The following MED23 variants were observed in gnomAD, a reference collection of about 807,000 sequenced individuals.
The protein encoded by MED23 is mediator complex subunit 23.
MED23 carries 105 observed loss-of-function variants against 163.9 expected under a neutral mutation model. That is an observed-to-expected ratio of 0.64 (90% CI 0.55 to 0.75). The LOEUF (loss-of-function observed/expected upper bound fraction) is 0.75, where lower values mean the gene tolerates loss of function less well. Ranked by LOEUF, MED23 falls within the 30% of genes least tolerant of loss-of-function variation. The pLI, the probability that MED23 is intolerant of heterozygous loss-of-function variation, is 0.00. For missense variants in MED23, 1,054 were observed against 1,649.0 expected (o/e 0.64, Z 6.25); for synonymous variants, 561 against 565.6 (o/e 0.99, Z 0.12).
chr6:131,575,890 T>C (rs2114516167), intron 30 of MED23, among the ~76,000 whole-genome samples: 1 of 124,538 alleles, frequency 8.0e-6, no homozygotes, highest in Non-Finnish European at 2.0e-5. Context: ...GGGTTGGTCT[T>C]TGTTTGTAGT....
At chr6:131,576,660 C>T in intron 30 of MED23, 1 of 1,613,482 alleles carries the variant, frequency 6.2e-7, no homozygotes, top group Non-Finnish European at 8.5e-7. Flanking sequence ...TTTAATTGTT[C>T]AGCCACGAGG....
intron 18 of MED23, 149 bp downstream of exon 18, chr6:131,599,889 T>C (rs1393544133): frequency 1.0e-6 from 1 of 955,396 alleles, no homozygotes; most frequent in Admixed American, 2.2e-5. Flanking sequence ...GACTAGAGGC[T>C]TGTGCCACCA....
Position 131,586,769 on chromosome 6 carries a change from T to G in MED23, c.*910A>C. The G allele has an allele frequency of 2.0e-6, 3 of 1,476,762 alleles. No individual in the cohort carries two copies. The highest frequency in any genetic ancestry group is 2.7e-6 in the Non-Finnish European group (3 of 1,102,206). The allele number at this position is 1,476,762 out of a possible 1,614,324, so 91.5% of individuals were successfully genotyped here. ...CACACGGTTTATTCATTCAGCAGAC[T>G]TTACTCATTAGTTTTCAAGTCTTTC... On this transcript the variant is annotated 3_prime_UTR_variant, in exon 29 of 29. Coordinates refer to ENST00000368068, the MANE Select transcript of MED23 (RefSeq NM_004830.4).
At chr6:131,611,059 T>C (rs889264688) in intron 10 of MED23, among the ~76,000 whole-genome samples, 8 of 152,234 alleles carry the variant, frequency 5.3e-5, no homozygotes, top group Non-Finnish European at 1.2e-4. Flanking sequence ...AAGCCATGTT[T>C]AAGCCATTTT....
chr6:131,574,395 C>T (rs1773514563), intron 30 of MED23: 1 of 1,353,220 alleles, frequency 7.4e-7, no homozygotes, highest in African/African-American at 1.4e-5. Flanking sequence ...CTCCAAAAGT[C>T]TCTCCCAAAC....
At chr6:131,574,327 A>G in intron 30 of MED23, 2 of 1,613,850 alleles carry the variant, frequency 1.2e-6, no homozygotes, top group Non-Finnish European at 1.7e-6. Context: ...GCCAGAGGTT[A>G]GAGGCCCAAA....
chr6:131,608,651 C>T (rs551152215), intron 11 of MED23, among the ~76,000 whole-genome samples: 115 of 152,220 alleles, frequency 7.6e-4, no homozygotes, highest in Non-Finnish European at 1.3e-3. Context: ...AGCAATCCAC[C>T]GGCTTCGGCC....
intron 27 of MED23, 150 bp from the exon 28 acceptor site, chr6:131,589,746 AGATAT>A (rs1333307421): frequency 1.4e-6 from 1 of 739,084 alleles, no homozygotes; most frequent in Non-Finnish European, 2.4e-6. Context: ...TATGCACATG[AGATAT>A]GATATGGCTT....
At chr6:131,579,700 GAC>G (rs539485326) in intron 30 of MED23, 3 of 158,774 alleles carry the variant, frequency 1.9e-5, no homozygotes, top group Admixed American at 6.3e-5. Context: ...GAAAGCATCA[GAC>G]ACACACACAC....
chr6:131,585,242 G>A (rs79926878), downstream of MED23, among the ~76,000 whole-genome samples: 4 of 152,022 alleles, frequency 2.6e-5, no homozygotes, highest in East Asian at 1.9e-4. Context: ...CAGAGTAAAC[G>A]GTAATCAAAA....
downstream of MED23, chr6:131,582,811 C>A: frequency 3.0e-6 from 3 of 996,444 alleles, no homozygotes; most frequent in Non-Finnish European, 4.8e-6. Flanking sequence ...AATTAAACAT[C>A]AAGACACACA....
chr6:131,604,808 C>T (rs891845453), intron 14 of MED23, among the ~76,000 whole-genome samples: 1 of 152,192 alleles, frequency 6.6e-6, no homozygotes, highest in Non-Finnish European at 1.5e-5. Context: ...AGGACTGATG[C>T]TCCACTTGGA....
chr6:131,596,434 A>C, intron 21 of MED23, 84 bp downstream of exon 21: 1 of 1,465,092 alleles, frequency 6.8e-7, no homozygotes, highest in Non-Finnish European at 9.6e-7. Context: ...CATTAGAACC[A>C]GAGAGAAAAC....
chr6:131,604,229 G>T lies in MED23; in HGVS notation c.1705C>A (p.Arg569Ser). Residue 569 changes from arginine to serine, a missense_variant, in exon 15 of 29, where the codon CGT becomes AGT. This residue lies in a region of MED23 where 54 missense variants were observed against 89.8 expected (regional missense o/e 0.60). Transcript: ENST00000368068. ...TCTATTTCCATATAGACCAATAAAC[G>T]ACTGTAAGTTTCCACTAGGGCTGGA... ...LAPALVETYSRLLVYMEIESL... is the reference protein window; with the variant it reads ...LAPALVETYSSLLVYMEIESL... 1.2e-6 allele frequency: 2 copies of T among 1,613,560 alleles called. No homozygotes were observed. Among genetic ancestry groups the T allele is most frequent in the South Asian group, 2.2e-5 (2 of 91,024 alleles).
rs770501718 is a variant in MED23, at chr6:131,619,792, G to C, written c.667+35C>G. 2.7e-5 allele frequency: 38 copies of C among 1,430,984 alleles called. No individual in the cohort carries two copies. The South Asian group carries it at 3.8e-4, about 14-fold the overall frequency. The allele number at this position is 1,430,984 out of a possible 1,614,324, so 88.6% of individuals were successfully genotyped here. On this transcript the variant is annotated intron_variant, in intron 8 of 28. Transcript: ENST00000368068. ...TCAATAATTAGATTACTAAAAATCA[G>C]GTACTATTTGGCATATTTAAAATTA...
intron 24 of MED23, 92 bp downstream of exon 24, chr6:131,592,914 G>T: frequency 6.9e-7 from 1 of 1,453,730 alleles, no homozygotes; most frequent in Non-Finnish European, 9.6e-7. Context: ...CATCAGCCTT[G>T]CGGCAACAGG....
At chr6:131,616,998 A>C (rs2114735167) in intron 9 of MED23, among the ~76,000 whole-genome samples, 1 of 152,012 alleles carries the variant, frequency 6.6e-6, no homozygotes, top group Non-Finnish European at 1.5e-5. Context: ...AAGCATATCA[A>C]CTTTTTGAGA....
rs529151840 is a variant in MED23 at position 131,594,277 on chromosome 6, G to A, written c.3054C>T (p.Asp1018=). Residue 1018 remains aspartate (D), a synonymous_variant, in exon 23 of 29, where the codon GAC becomes GAT. Coordinates refer to ENST00000368068, the MANE Select transcript of MED23 (RefSeq NM_004830.4). ...CGAGTTTTCGTTTGAGAAATGCGCG[G>A]TCTCTCAGGTGCATTTCATAATAGT... ...TLHYYEMHLR[D]RAFLKRKLVH... is the part of the protein sequence containing the mutation. 14 of 1,614,134 alleles carry A rather than the reference G, an allele frequency of 8.7e-6. No homozygotes were observed. Among genetic ancestry groups the A allele is most frequent in the Non-Finnish European group, 1.2e-5 (14 of 1,180,020 alleles).
intron 17 of MED23, among the ~76,000 whole-genome samples, chr6:131,602,001 T>C (rs559881305): frequency 1.3e-5 from 2 of 152,290 alleles, no homozygotes; most frequent in South Asian, 4.1e-4. Context: ...TTTAAAATTA[T>C]GGATAGCTGA....
Sources: allele counts gnomAD v4.1 joint callset (sites outside exome capture counted in the v4.1 genomes callset), GRCh38; gene constraint gnomAD v4.1.1; regional missense constraint gnomAD v4.1.1; transcripts MANE v1.5; gene names NCBI Gene and HGNC (gene_info 2026-07-23, HGNC 2026-07-21).